CD200R1: variants seen among roughly 807,000 people sequenced by gnomAD.
The protein encoded by CD200R1 is CD200 receptor 1, also known as cell surface glycoprotein CD200 receptor 1.
In CD200R1, 30 loss-of-function variants were observed where a neutral mutation model predicts 38.1. The observed-to-expected ratio is 0.79, with a 90% CI of 0.59 to 1.07. The LOEUF (loss-of-function observed/expected upper bound fraction) is 1.07, where lower values mean the gene tolerates loss of function less well. CD200R1 is among the 50% of genes least tolerant of loss of function. The pLI is 0.00. For missense variants in CD200R1, 372 were observed against 415.4 expected (o/e 0.90, Z 0.91); for synonymous variants, 128 against 152.1 (o/e 0.84, Z 1.16).
At chr3:112,937,683 TG>T (rs1940617266) in intron 2 of CD200R1, among the ~76,000 whole-genome samples, 1 of 152,214 alleles carries the variant, frequency 6.6e-6, no homozygotes, top group Non-Finnish European at 1.5e-5. Context: ...GGTTATGTTT[TG>T]GTTCCATATG....
At chr3:112,930,271 A>T (rs1236344247) in intron 3 of CD200R1, among the ~76,000 whole-genome samples, 1 of 152,156 alleles carries the variant, frequency 6.6e-6, no homozygotes, top group Non-Finnish European at 1.5e-5. Context: ...CCCTTTAGAC[A>T]TTTTTTATTA....
chr3:112,949,213 G>A (rs1229275292), intron 1 of CD200R1, among the ~76,000 whole-genome samples: 1 of 152,220 alleles, frequency 6.6e-6, no homozygotes, highest in African/African-American at 2.4e-5. Context: ...CTGGATATCG[G>A]CAGGCTCTAA....
chr3:112,934,611 C>T (rs1220485937), intron 2 of CD200R1, among the ~76,000 whole-genome samples: 1 of 152,066 alleles, frequency 6.6e-6, no homozygotes, highest in African/African-American at 2.4e-5. Flanking sequence ...GGGTGCATTA[C>T]CTGAAGTCAA....
intron 3 of CD200R1, among the ~76,000 whole-genome samples, chr3:112,929,738 T>C (rs1037511325): frequency 6.6e-6 from 1 of 152,060 alleles, no homozygotes; most frequent in Non-Finnish European, 1.5e-5. Context: ...AAATATGATA[T>C]ATAATAAAGT....
chr3:112,968,209 T>A (rs1455211829), intron 1 of CD200R1, among the ~76,000 whole-genome samples: 1 of 152,140 alleles, frequency 6.6e-6, no homozygotes, highest in Non-Finnish European at 1.5e-5. Context: ...GAAATTTTAC[T>A]GAGAAAAGTG....
intron 2 of CD200R1, among the ~76,000 whole-genome samples, chr3:112,946,593 A>T (rs1940867842): frequency 6.6e-6 from 1 of 152,262 alleles, no homozygotes; most frequent in African/African-American, 2.4e-5. Flanking sequence ...GCTCTACATC[A>T]TATGTCATCA....
intron 1 of CD200R1, among the ~76,000 whole-genome samples, chr3:112,974,110 T>C (rs966698309): frequency 6.6e-6 from 1 of 151,890 alleles, no homozygotes; most frequent in Non-Finnish European, 1.5e-5. Flanking sequence ...TGGACCTAAA[T>C]GAGTTAGCGT....
intron 1 of CD200R1, among the ~76,000 whole-genome samples, chr3:112,948,951 G>C (rs1003752188): frequency 1.3e-5 from 2 of 152,176 alleles, no homozygotes; most frequent in Admixed American, 6.5e-5. Context: ...GTGATGTATA[G>C]AAGTTTAAAA....
At chr3:112,942,828 T>C (rs1576137823) in intron 2 of CD200R1, among the ~76,000 whole-genome samples, 1 of 151,684 alleles carries the variant, frequency 6.6e-6, no homozygotes, top group Non-Finnish European at 1.5e-5. Context: ...GAAGTAGCTA[T>C]ATTAATTTTA....
intron 1 of CD200R1, among the ~76,000 whole-genome samples, chr3:112,971,475 G>A (rs1027855190): frequency 6.6e-6 from 1 of 151,800 alleles, no homozygotes; most frequent in Non-Finnish European, 1.5e-5. Flanking sequence ...CCTCCACAAC[G>A]AAACTCCCTT....
intron 1 of CD200R1, among the ~76,000 whole-genome samples, chr3:112,953,527 GTTC>G (rs1210497207): frequency 2.6e-5 from 4 of 152,188 alleles, no homozygotes; most frequent in Non-Finnish European, 4.4e-5. Context: ...AATAATTGGT[GTTC>G]TTCTTTACAT....
intron 2 of CD200R1, among the ~76,000 whole-genome samples, chr3:112,937,049 G>A (rs1940601365): frequency 1.3e-5 from 2 of 152,144 alleles, no homozygotes; most frequent in Non-Finnish European, 2.9e-5. Flanking sequence ...CCCAAGACTG[G>A]ATAATTTATA....
At chr3:112,954,607 T>C (rs1941045381) in intron 1 of CD200R1, among the ~76,000 whole-genome samples, 1 of 152,084 alleles carries the variant, frequency 6.6e-6, no homozygotes, top group African/African-American at 2.4e-5. Flanking sequence ...GGCCAATGGC[T>C]AATAAATAAT....
At chr3:112,929,825 T>C (rs1475610534) in intron 3 of CD200R1, among the ~76,000 whole-genome samples, 1 of 152,156 alleles carries the variant, frequency 6.6e-6, no homozygotes, top group Non-Finnish European at 1.5e-5. Context: ...GGCAATGTTC[T>C]ACATCTAATC....
At chr3:112,928,288 G>C (rs377432789) in intron 5 of CD200R1, among the ~76,000 whole-genome samples, 149 of 152,292 alleles carry the variant, frequency 9.8e-4, no homozygotes, top group African/African-American at 3.5e-3. Context: ...AAATATGTTT[G>C]TTGATATTTA....
chr3:112,949,315 A>C (rs1940928139), intron 1 of CD200R1, among the ~76,000 whole-genome samples: 1 of 152,218 alleles, frequency 6.6e-6, no homozygotes, highest in South Asian at 2.1e-4. Context: ...TGGCAAAGAG[A>C]CACCTTTTAG....
rs775414597 is a variant in CD200R1, at chr3:112,929,277, C to T, written c.433G>A (p.Val145Met). 1.5e-5 allele frequency: 24 copies of T among 1,614,026 alleles called. No homozygotes were observed. The South Asian group carries it at 1.5e-4, about 10-fold the overall frequency. ...TAATACCCGTCATGAGTGATGGCCA[C>T]GGTACGAATCTGAAGGTCCGAATTC... ...DQNSDLQIRT[V>M]AITHDGYYRC... The change falls in exon 4 of 8, where the codon GTG becomes ATG. Residue 145 changes from valine to methionine, a missense_variant. Val to Met is a conservative substitution (Grantham distance 21). Coordinates refer to ENST00000308611, the MANE Select transcript of CD200R1 (RefSeq NM_138806.4).
chr3:112,966,237 C>A (rs1001205345), intron 1 of CD200R1, among the ~76,000 whole-genome samples: 4 of 152,178 alleles, frequency 2.6e-5, no homozygotes, highest in African/African-American at 4.8e-5. Flanking sequence ...TGAACCCTGG[C>A]ACCCATCAGA....
intron 1 of CD200R1, among the ~76,000 whole-genome samples, chr3:112,967,770 A>G (rs1200039407): frequency 6.6e-6 from 1 of 152,150 alleles, no homozygotes; most frequent in Non-Finnish European, 1.5e-5. Flanking sequence ...ATCACATCTA[A>G]AAGACATAGA....
Sources: gnomAD v4.1 joint callset for allele counts (sites outside exome capture counted in the v4.1 genomes callset) on GRCh38, gnomAD v4.1.1 for gene constraint, MANE v1.5 for transcripts, NCBI Gene and HGNC (gene_info 2026-07-23, HGNC 2026-07-21) for gene names.